Variants in GJD4 observed in about 807,000 individuals in gnomAD.
GJD4 encodes the protein gap junction protein delta 4, also known as gap junction delta-4 protein.
Under a neutral mutation model 17.9 loss-of-function variants are expected in GJD4, and 18 were observed. The observed-to-expected ratio is 1.00, with a 90% CI of 0.69 to 1.49. The LOEUF is 1.49. GJD4 is among the 40% of genes most tolerant of loss of function. The probability of loss-of-function intolerance (pLI) is 0.00; values close to 1 mark genes in which losing one functional copy is unlikely to be tolerated. For synonymous variants in GJD4, 293 were observed against 236.8 expected, an observed-to-expected ratio of 1.24 and a Z score of -2.18; for missense variants, 639 against 506.9, an observed-to-expected ratio of 1.26 and a Z score of -2.50.
Position 35,607,804 on chromosome 10 carries a change from G to A in GJD4, c.291G>A (p.Leu97=), listed in dbSNP as rs1200356979. ...LPSAVFSVYV[L]HRGATLAALG... is the part of the protein sequence containing the mutation. ...CCGCCGTCTTCAGCGTCTATGTCCT[G>A]CACCGAGGAGCCACGCTCGCCGCGC... The change falls in exon 2 of 2, where the codon CTG becomes CTA. Residue 97 remains leucine (L), a synonymous_variant. Coordinates refer to ENST00000321660, the MANE Select transcript of GJD4 (RefSeq NM_153368.3). The A allele has an allele frequency of 3.1e-6, 5 of 1,603,090 alleles. No individual in the cohort carries two copies. The highest frequency in any genetic ancestry group is 2.2e-5 in the South Asian group (2 of 91,078).
Position 35,608,352 on chromosome 10 carries a change from G to A in GJD4, c.839G>A (p.Arg280His), listed in dbSNP as rs774433895. The A allele has an allele frequency of 3.9e-6, 6 of 1,551,168 alleles. No individual in the cohort carries two copies. The highest frequency in any genetic ancestry group is 4.8e-5 in the East Asian group (2 of 41,338). ...GGGGAGGGGGCTGGCAGCCCCAGGC[G>A]TACATCCAGGGTGTCAGGGCACACG... ...AGGEGAGSPR[R>H]TSRVSGHTKI... is the part of the protein sequence containing the mutation. The change falls in exon 2 of 2, where the codon CGT becomes CAT. Residue 280 changes from arginine (R) to histidine (H), a missense_variant. Arg to His is a conservative substitution (Grantham distance 29). Transcript: ENST00000321660.
chr10:35,607,841 C>A lies in GJD4; in HGVS notation c.328C>A (p.Arg110Ser), dbSNP rs1835477773. 9 of 1,600,120 alleles carry A rather than the reference C, an allele frequency of 5.6e-6. No individual in the cohort carries two copies. The highest frequency in any genetic ancestry group is 7.6e-6 in the Non-Finnish European group (9 of 1,178,734). Residue 110 changes from arginine (R) to serine (S), a missense_variant, in exon 2 of 2, where the codon CGC becomes AGC. Transcript: ENST00000321660. ...CACGCTCGCCGCGCTGGGCCCCCGCCGCTGCCCCGACCCCCGGGAGCCGGC... is the reference window on the plus strand; with the variant it reads ...CACGCTCGCCGCGCTGGGCCCCCGCAGCTGCCCCGACCCCCGGGAGCCGGC... ...GATLAALGPR[R>S]CPDPREPASG...
chr10:35,607,933 G>A lies in GJD4; in HGVS notation c.420G>A (p.Ser140=), dbSNP rs770953239. 1 of 1,606,836 alleles carries A rather than the reference G, an allele frequency of 6.2e-7. No homozygotes were observed. The highest frequency in any genetic ancestry group is 1.7e-5 in the Admixed American group (1 of 59,726). The change falls in exon 2 of 2, where the codon TCG becomes TCA. Residue 140 remains serine, a synonymous_variant. Coordinates refer to ENST00000321660, the MANE Select transcript of GJD4 (RefSeq NM_153368.3). Reference sequence around the variant, plus strand: ...GCGGCCTCCAGGTGCCCGACTTTTCGGCCGGCTACATCATCCACCTCCTCC... The same window carrying A: ...GCGGCCTCCAGGTGCCCGACTTTTCAGCCGGCTACATCATCCACCTCCTCC... ...ERGGLQVPDF[S]AGYIIHLLLR... is the part of the protein sequence containing the mutation.
chr10:35,607,035 A>G (rs1835464609), intron 1 of GJD4: 1 of 153,226 alleles, frequency 6.5e-6, no homozygotes, highest in South Asian at 2.0e-4. Context: ...AGTTACAGAA[A>G]TACACCAACC....
Position 35,608,531 on chromosome 10 carries a change from G to C in GJD4, c.1018G>C (p.Ala340Pro), listed in dbSNP as rs780644504. The change falls in exon 2 of 2, where the codon GCG (alanine) becomes CCG (proline). Residue 340 changes from alanine (A) to proline (P), a missense_variant. Physicochemically the swap from Ala to Pro is conservative, Grantham distance 27. Coordinates refer to ENST00000321660, the MANE Select transcript of GJD4 (RefSeq NM_153368.3). ...QPSAAPSRLA[A>P]PPSCSSLQPP... The stretch of plus-strand genomic sequence containing the variant: ...CTCAGCAGCCCCCAGCCGCCTGGCC[G>C]CGCCCCCTTCCTGCAGCAGCCTGCA... The C allele has an allele frequency of 3.9e-6, 6 of 1,554,942 alleles. No individual in the cohort carries two copies. In the South Asian group the frequency reaches 7.1e-5, roughly 18 times the overall value.
Position 35,608,374 on chromosome 10 carries a change from C to T in GJD4, c.861C>T (p.His287=), listed in dbSNP as rs1284167248. The T allele has an allele frequency of 1.3e-6, 2 of 1,552,348 alleles. No individual in the cohort carries two copies. The highest frequency in any genetic ancestry group is 1.4e-5 in the African/African-American group (1 of 73,370). The change falls in exon 2 of 2, where the codon CAC becomes CAT. Residue 287 remains histidine (H), a synonymous_variant. Transcript: ENST00000321660. ...GGCGTACATCCAGGGTGTCAGGGCA[C>T]ACGAAGATTCCGGATGAGGATGAGA... ...SPRRTSRVSG[H]TKIPDEDESE...
chr10:35,607,055 AG>A (rs1352097663), intron 1 of GJD4: 1 of 153,608 alleles, frequency 6.5e-6, no homozygotes, highest in East Asian at 1.9e-4. Flanking sequence ...CTCTTTTAAA[AG>A]GCTTATTCTC....
intron 1 of GJD4, chr10:35,607,356 C>A: frequency 3.5e-6 from 2 of 569,928 alleles, no homozygotes; most frequent in East Asian, 2.9e-5. Context: ...GAGGCCAAGG[C>A]GGCAGGAGCA....
In GJD4 at chr10:35,607,853, C is replaced by G; in HGVS notation, c.340C>G (p.Pro114Ala). 2 of 1,599,270 alleles carry G rather than the reference C, an allele frequency of 1.3e-6. No homozygotes were observed. Among genetic ancestry groups the G allele is most frequent in the South Asian group, 1.1e-5 (1 of 90,814 alleles). ...GCTGGGCCCCCGCCGCTGCCCCGAC[C>G]CCCGGGAGCCGGCCTCCGGGCAGAG... is the stretch of plus-strand genomic sequence containing the variant. The part of the protein sequence containing the change: ...AALGPRRCPD[P>A]REPASGQRRC... Residue 114 changes from proline to alanine, a missense_variant, in exon 2 of 2, where the codon CCC becomes GCC. Coordinates refer to ENST00000321660, the MANE Select transcript of GJD4 (RefSeq NM_153368.3).
rs1049692373 is a variant in GJD4 at position 35,608,329 on chromosome 10, G to A, written c.816G>A (p.Gly272=). The A allele has an allele frequency of 1.3e-6, 2 of 1,549,324 alleles. No individual in the cohort carries two copies. Among genetic ancestry groups the A allele is most frequent in the African/African-American group, 1.4e-5 (1 of 73,296 alleles). ...APAPPGARAG[G]EGAGSPRRTS... is the part of the protein sequence containing the mutation. ...CGCCCCCGGGTGCACGCGCCGGAGG[G>A]GAGGGGGCTGGCAGCCCCAGGCGTA... The change falls in exon 2 of 2, where the codon GGG becomes GGA. Residue 272 remains glycine (G), a synonymous_variant. Coordinates refer to ENST00000321660, the MANE Select transcript of GJD4 (RefSeq NM_153368.3).
intron 1 of GJD4, chr10:35,607,357 G>A: frequency 3.5e-6 from 2 of 569,814 alleles, no homozygotes; most frequent in South Asian, 2.1e-5. Flanking sequence ...AGGCCAAGGC[G>A]GCAGGAGCAC....
intron 1 of GJD4, chr10:35,606,468 T>C (rs1003355656): frequency 6.6e-6 from 1 of 152,222 alleles, no homozygotes; most frequent in African/African-American, 2.4e-5. Flanking sequence ...ACTCACATTT[T>C]CAGAGAGGTA....
In GJD4 at chr10:35,607,597, C is replaced by G. The variant is rs1010709653; in HGVS notation, c.84C>G (p.Leu28=). 2 of 1,614,150 alleles carry G rather than the reference C, an allele frequency of 1.2e-6. No individual in the cohort carries two copies. Among genetic ancestry groups the G allele is most frequent in the African/African-American group, 2.7e-5 (2 of 75,060 alleles). Residue 28 remains leucine, a synonymous_variant, in exon 2 of 2, where the codon CTC becomes CTG. Transcript: ENST00000321660. The part of the protein sequence containing the change: ...VTMVGKLWFV[L]TMLLRMLVIV... ...TTCCAGGAAAGCTCTGGTTCGTCCTCACGATGCTGCTGCGGATGCTGGTGA... is the reference window on the plus strand; with the variant it reads ...TTCCAGGAAAGCTCTGGTTCGTCCTGACGATGCTGCTGCGGATGCTGGTGA...
rs1835475359 is a variant in GJD4 at position 35,607,776 on chromosome 10, C to T, written c.263C>T (p.Pro88Leu). ...ATCCAGGGCGTGTGCGTCCTCCTCCCCTCCGCCGTCTTCAGCGTCTATGTC... is the reference window on the plus strand; with the variant it reads ...ATCCAGGGCGTGTGCGTCCTCCTCCTCTCCGCCGTCTTCAGCGTCTATGTC... ...WLIQGVCVLL[P>L]SAVFSVYVLH... Residue 88 changes from proline (P) to leucine (L), a missense_variant, in exon 2 of 2, where the codon CCC becomes CTC. By Grantham distance (98) the Pro-to-Leu change is moderately conservative (BLOSUM62 -3). Transcript: ENST00000321660. The T allele has an allele frequency of 1.2e-6, 2 of 1,608,882 alleles. No individual in the cohort carries two copies. Among genetic ancestry groups the T allele is most frequent in the Non-Finnish European group, 8.5e-7 (1 of 1,180,002 alleles).
At chr10:35,605,776 G>A (rs2135487192) in intron 1 of GJD4, 145 bp downstream of exon 1, 2 of 657,966 alleles carry the variant, frequency 3.0e-6, no homozygotes, top group East Asian at 5.4e-5. Context: ...CAAAAGAAAG[G>A]GCTGTGCCTT....
At chr10:35,605,910 G>A in intron 1 of GJD4, 1 of 447,248 alleles carries the variant, frequency 2.2e-6, no homozygotes, top group Non-Finnish European at 4.0e-6. Flanking sequence ...ACACTGGGGT[G>A]CTGACTCCAA....
At position 35,608,311 on chromosome 10, in the gene GJD4, G is replaced by A. The variant is rs1175684732; in HGVS notation, c.798G>A (p.Pro266=). The A allele has an allele frequency of 6.5e-7, 1 of 1,547,786 alleles. No individual in the cohort carries two copies. Among genetic ancestry groups the A allele is most frequent in the African/African-American group, 1.4e-5 (1 of 73,366 alleles). Reference sequence around the variant, plus strand: ...AGGAAGAGGGGGCACCGGCGCCCCCGGGTGCACGCGCCGGAGGGGAGGGGG... The same window carrying A: ...AGGAAGAGGGGGCACCGGCGCCCCCAGGTGCACGCGCCGGAGGGGAGGGGG... ...GREEEGAPAP[P]GARAGGEGAG... The change falls in exon 2 of 2, where the codon CCG becomes CCA. Residue 266 remains proline (P), a synonymous_variant. Transcript: ENST00000321660.
chr10:35,605,746 G>C (rs1294375670), intron 1 of GJD4, 115 bp downstream of exon 1: 1 of 772,518 alleles, frequency 1.3e-6, no homozygotes, highest in Non-Finnish European at 2.2e-6. Flanking sequence ...CAAGCACCAA[G>C]CTGAAAGTCC....
At position 35,608,079 on chromosome 10, in the gene GJD4, C is replaced by T. The variant is rs1410388617; in HGVS notation, c.566C>T (p.Ser189Leu). 5 of 1,608,908 alleles carry T rather than the reference C, an allele frequency of 3.1e-6. No homozygotes were observed. The highest frequency in any genetic ancestry group is 1.1e-5 in the South Asian group (1 of 90,728). Residue 189 changes from serine (S) to leucine (L), a missense_variant, in exon 2 of 2, where the codon TCG (serine) becomes TTG (leucine). Coordinates refer to ENST00000321660, the MANE Select transcript of GJD4 (RefSeq NM_153368.3). ...ACGGGCGTGGTGGACTGCTACGTGT[C>T]GCGGCCCACAGAGAAGTCCCTGCTG... ...PCTGVVDCYVSRPTEKSLLML... is the reference protein window; with the variant it reads ...PCTGVVDCYVLRPTEKSLLML...
Sources: gnomAD v4.1 joint callset for allele counts on GRCh38, gnomAD v4.1.1 for gene constraint, MANE v1.5 for transcripts, NCBI Gene and HGNC (gene_info 2026-07-23, HGNC 2026-07-21) for gene names.